The following PRKAR2A variants were observed in gnomAD, a reference collection of about 807,000 sequenced individuals.
PRKAR2A encodes the protein protein kinase cAMP-dependent type II regulatory subunit alpha, also known as cAMP-dependent protein kinase type II-alpha regulatory subunit.
A neutral mutation model predicts 51.9 loss-of-function variants in PRKAR2A; 29 were observed. The observed-to-expected ratio is 0.56, with a 90% CI of 0.42 to 0.76. The LOEUF (loss-of-function observed/expected upper bound fraction) is 0.76. Among genes scored for constraint, PRKAR2A ranks in the 30% least tolerant of loss-of-function variants. The probability of loss-of-function intolerance (pLI) is 0.00; values close to 1 mark genes in which losing one functional copy is unlikely to be tolerated. For synonymous variants in PRKAR2A, 178 were observed against 186.2 expected (o/e 0.96, Z 0.36); for missense variants, 445 against 512.1 (o/e 0.87, Z 1.26).
chr3:48,760,487 G>A (rs1423017133), intron 8 of PRKAR2A, among the ~76,000 whole-genome samples: 2 of 151,912 alleles, frequency 1.3e-5, no homozygotes, highest in Non-Finnish European at 2.9e-5. Flanking sequence ...ACCAGCATGG[G>A]CAACATAGAG....
chr3:48,787,879 G>C (rs961672309), intron 4 of PRKAR2A, among the ~76,000 whole-genome samples: 3 of 152,196 alleles, frequency 2.0e-5, no homozygotes, highest in African/African-American at 7.2e-5. Flanking sequence ...AAGGAGGGCT[G>C]TGGAAATGTC....
At chr3:48,823,126 G>A (rs1332034780) in intron 1 of PRKAR2A, among the ~76,000 whole-genome samples, 1 of 151,546 alleles carries the variant, frequency 6.6e-6, no homozygotes, top group Non-Finnish European at 1.5e-5. Flanking sequence ...GGCTGGTCTT[G>A]AACTCCTGGG....
In PRKAR2A at chr3:48,751,611, C is replaced by T. The variant is rs146859772; in HGVS notation, c.1189G>A (p.Val397Met). 5.6e-5 allele frequency: 90 copies of T among 1,613,212 alleles called. 1 individual carries two copies. In the African/African-American group the frequency reaches 9.1e-4, roughly 16 times the overall value. The change falls in exon 11 of 11, where the codon GTG (valine) becomes ATG (methionine). Residue 397 changes from valine to methionine, a missense_variant. By Grantham distance (21) the Val-to-Met change is conservative. Coordinates refer to ENST00000265563, the MANE Select transcript of PRKAR2A (RefSeq NM_004157.4). ...TACTGCCCGAGGTTGCCCAGATCCA[C>T]GCTGGAGCCAAACATCTTCACCAGC... ...EQLVKMFGSSVDLGNLGQ is the reference protein window; with the variant it reads ...EQLVKMFGSSMDLGNLGQ
At chr3:48,836,548 T>C (rs2083290727) in intron 1 of PRKAR2A, among the ~76,000 whole-genome samples, 1 of 139,814 alleles carries the variant, frequency 7.2e-6, no homozygotes, top group South Asian at 2.2e-4. Context: ...TAGAAGAAAA[T>C]ACAGGGGTAA....
intron 4 of PRKAR2A, 141 bp from the exon 5 acceptor site, chr3:48,783,233 C>A: frequency 1.6e-6 from 1 of 628,678 alleles, no homozygotes; most frequent in Non-Finnish European, 2.8e-6. Flanking sequence ...GAAACAAATG[C>A]TTTCCTGGGA....
chr3:48,766,216 C>A (rs528801726), intron 6 of PRKAR2A, among the ~76,000 whole-genome samples: 1 of 151,572 alleles, frequency 6.6e-6, no homozygotes, highest in Non-Finnish European at 1.5e-5. Context: ...CACTATGTCC[C>A]AAAAACAACA....
chr3:48,759,645 C>T lies in PRKAR2A; in HGVS notation c.874-3201G>A, dbSNP rs138835565. On this transcript the variant is annotated intron_variant, in intron 8 of 10. Coordinates refer to ENST00000265563, the MANE Select transcript of PRKAR2A (RefSeq NM_004157.4). The stretch of plus-strand genomic sequence containing the variant: ...CAGGTGATCCGCCTGCCTCGGCCTC[C>T]CTAAGTGCTGGGATTACAGGCATGA... 9.9e-3 allele frequency among the ~76,000 whole-genome samples: 1,506 copies of T among 152,278 alleles called. 9 individuals are homozygous for T. The highest frequency in any genetic ancestry group is 0.054 in the Middle Eastern group (16 of 294).
intron 2 of PRKAR2A, among the ~76,000 whole-genome samples, chr3:48,794,643 C>T (rs901402616): frequency 6.6e-5 from 10 of 151,646 alleles, no homozygotes; most frequent in Non-Finnish European, 1.2e-4. Context: ...TGCAGTGAGC[C>T]GAGATCATGC....
chr3:48,751,806 G>T, intron 10 of PRKAR2A, 88 bp from the exon 11 acceptor site: 1 of 1,476,924 alleles, frequency 6.8e-7, no homozygotes, highest in Non-Finnish European at 9.1e-7. Flanking sequence ...CATTCATGTT[G>T]TATGAGATTA....
chr3:48,754,241 CTTTTTTT>C (rs1195616357), intron 9 of PRKAR2A, among the ~76,000 whole-genome samples: 1 of 125,188 alleles, frequency 8.0e-6, no homozygotes, highest in African/African-American at 2.9e-5. Flanking sequence ...CTACTTTTTT[CTTTTTTT>C]TTTTTTGAGA....
rs1322393576 is a variant in PRKAR2A at position 48,750,698 on chromosome 3, G to A, written c.*887C>T. 2 of 152,708 alleles carry A rather than the reference G, an allele frequency of 1.3e-5. No individual in the cohort carries two copies. The highest frequency in any genetic ancestry group is 4.8e-5 in the African/African-American group (2 of 41,452). 9.5% of individuals were successfully genotyped at this position (152,708 alleles called of 1,614,324 possible). A position where few individuals can be genotyped will look rare whatever the true frequency, so the allele number is the denominator to read the frequency against. On this transcript the variant is annotated 3_prime_UTR_variant, in exon 11 of 11. Transcript: ENST00000265563. ...CAAATGGTAGGAGTTGCCCAGGAAG[G>A]TATTTGGGCTGGACAAAGTGATAGC...
At chr3:48,834,047 A>G (rs1440871984) in intron 1 of PRKAR2A, among the ~76,000 whole-genome samples, 2 of 151,882 alleles carry the variant, frequency 1.3e-5, no homozygotes, top group Admixed American at 6.6e-5. Flanking sequence ...AAAAAAAAAA[A>G]AAAGAAAAAA....
intron 4 of PRKAR2A, among the ~76,000 whole-genome samples, chr3:48,783,377 C>G (rs2082234205): frequency 6.6e-6 from 1 of 152,142 alleles, no homozygotes; most frequent in South Asian, 2.1e-4. Flanking sequence ...GTTCTCCCAG[C>G]CACACCCACA....
In PRKAR2A at chr3:48,779,240, G is replaced by A. The variant is rs543038544; in HGVS notation, c.542+3746C>T. On this transcript the variant is annotated intron_variant, in intron 5 of 10. Coordinates refer to ENST00000265563, the MANE Select transcript of PRKAR2A (RefSeq NM_004157.4). Reference sequence around the variant, plus strand: ...CTCCCAAAGTGCTGGGATTGCAGGTGCAAACCACTGTGCCAGGCTCTTATT... The same window carrying A: ...CTCCCAAAGTGCTGGGATTGCAGGTACAAACCACTGTGCCAGGCTCTTATT... Among the ~76,000 whole-genome samples the A allele has an allele frequency of 6.6e-5, 10 of 152,234 alleles. No individual in the cohort carries two copies. In the East Asian group the frequency reaches 1.9e-3, roughly 30 times the overall value.
At chr3:48,840,628 G>A (rs2083364155) in intron 1 of PRKAR2A, among the ~76,000 whole-genome samples, 1 of 108,440 alleles carries the variant, frequency 9.2e-6, no homozygotes, top group Non-Finnish European at 1.7e-5. Context: ...CCAGGCTGGA[G>A]TGCAGTGGCA....
intron 8 of PRKAR2A, among the ~76,000 whole-genome samples, chr3:48,761,283 AAAAAACAAAAC>A (rs1364599364): frequency 1.3e-5 from 2 of 152,138 alleles, no homozygotes; most frequent in African/African-American, 2.4e-5. Flanking sequence ...CTCCATCTCA[AAAAAACAAAAC>A]AAAAACAATA....
At chr3:48,767,296 T>C (rs1259467484) in intron 6 of PRKAR2A, among the ~76,000 whole-genome samples, 1 of 142,366 alleles carries the variant, frequency 7.0e-6, no homozygotes, top group East Asian at 2.2e-4. Flanking sequence ...CTGGCCAATA[T>C]GGTGAAACCA....
At chr3:48,840,942 C>T (rs1301818303) in intron 1 of PRKAR2A, among the ~76,000 whole-genome samples, 2 of 135,664 alleles carry the variant, frequency 1.5e-5, no homozygotes, top group East Asian at 2.2e-4. Context: ...AGTGCAATGG[C>T]GTGATCTCCG....
intron 2 of PRKAR2A, among the ~76,000 whole-genome samples, chr3:48,794,754 G>A (rs2082461904): frequency 6.6e-6 from 1 of 152,096 alleles, no homozygotes; most frequent in East Asian, 1.9e-4. Context: ...GCAAGGTGAA[G>A]AAGAGTATAT....
Sources: allele counts gnomAD v4.1 joint callset (sites outside exome capture counted in the v4.1 genomes callset), GRCh38; gene constraint gnomAD v4.1.1; transcripts MANE v1.5; gene names NCBI Gene and HGNC (gene_info 2026-07-23, HGNC 2026-07-21).